KCNIP4: variants seen among roughly 807,000 people sequenced by gnomAD.
KCNIP4 encodes the protein potassium voltage-gated channel interacting protein 4, also known as Kv channel-interacting protein 4.
Under a neutral mutation model 34.0 loss-of-function variants are expected in KCNIP4, and 12 were observed. The observed-to-expected ratio is 0.35, with a 90% CI of 0.23 to 0.57. The LOEUF (loss-of-function observed/expected upper bound fraction) is 0.57, where lower values mean the gene tolerates loss of function less well. KCNIP4 is among the 20% of genes least tolerant of loss of function. KCNIP4 has a pLI of 0.83. For missense variants in KCNIP4, 238 were observed against 311.7 expected (o/e 0.76, Z 1.78); for synonymous variants, 124 against 102.2 (o/e 1.21, Z -1.29).
chr4:21,894,500 G>T (rs1292645037), intron 1 of KCNIP4, among the ~76,000 whole-genome samples: 1 of 152,036 alleles, frequency 6.6e-6, no homozygotes, highest in African/African-American at 2.4e-5. Context: ...TACATCATTT[G>T]TGACTCTCTG....
intron 1 of KCNIP4, among the ~76,000 whole-genome samples, chr4:21,050,923 A>G (rs1742873202): frequency 6.6e-6 from 1 of 152,014 alleles, no homozygotes; most frequent in South Asian, 2.1e-4. Context: ...AGAGAGCTAT[A>G]TCCAAATTCA....
At chr4:21,282,248 A>AACTTAC (rs1206041102) in intron 1 of KCNIP4, among the ~76,000 whole-genome samples, 1 of 152,236 alleles carries the variant, frequency 6.6e-6, no homozygotes, top group Non-Finnish European at 1.5e-5. Context: ...TAATTCATTT[A>AACTTAC]ACTTACACTT....
At chr4:21,494,104 G>A (rs910557860) in intron 1 of KCNIP4, among the ~76,000 whole-genome samples, 2 of 152,118 alleles carry the variant, frequency 1.3e-5, no homozygotes, top group African/African-American at 4.8e-5. Flanking sequence ...TCAGCAAATT[G>A]GTCCAGGTCA....
At chr4:21,451,442 T>C (rs1307288026) in intron 1 of KCNIP4, among the ~76,000 whole-genome samples, 1 of 152,150 alleles carries the variant, frequency 6.6e-6, no homozygotes, top group Non-Finnish European at 1.5e-5. Context: ...AAAATAGTTT[T>C]GAATTTTGGT....
intron 1 of KCNIP4, among the ~76,000 whole-genome samples, chr4:21,612,654 T>C (rs1399667108): frequency 6.6e-6 from 1 of 152,250 alleles, no homozygotes; most frequent in East Asian, 1.9e-4. Flanking sequence ...GCTAGTATTC[T>C]GTTTGACAGA....
rs1560311042 is a variant in KCNIP4 at position 21,346,079 on chromosome 4, TTTAAG to T, written c.62-463375_62-463371del. ...CAACTCGGGCAGTGTAATATATATATTTAAGATATTTAAGATATCTTAAATATATA... is the reference window on the plus strand; with the variant it reads ...CAACTCGGGCAGTGTAATATATATATATATTTAAGATATCTTAAATATATA... On this transcript the variant is annotated intron_variant, in intron 1 of 8. Transcript: ENST00000382152. 2.0e-4 allele frequency among the ~76,000 whole-genome samples: 25 copies of T among 128,176 alleles called. No individual in the cohort carries two copies. The East Asian group carries it at 2.3e-3, about 12-fold the overall frequency. The allele number at this position is 128,176 out of a possible 152,430, so 84.1% of individuals were successfully genotyped here.
intron 1 of KCNIP4, among the ~76,000 whole-genome samples, chr4:21,419,634 A>G (rs961136992): frequency 1.3e-5 from 2 of 152,070 alleles, no homozygotes; most frequent in African/African-American, 2.4e-5. Flanking sequence ...AGTGACTGTT[A>G]TTTATCATTG....
At chr4:20,732,610 G>T in intron 7 of KCNIP4, 71 bp downstream of exon 7, 1 of 899,374 alleles carries the variant, frequency 1.1e-6, no homozygotes, top group Non-Finnish European at 1.9e-6. Context: ...TTGAATCATC[G>T]TGGTGCATGG....
At chr4:21,243,403 T>C (rs1460089823) in intron 1 of KCNIP4, among the ~76,000 whole-genome samples, 1 of 152,184 alleles carries the variant, frequency 6.6e-6, no homozygotes, top group Admixed American at 6.5e-5. Flanking sequence ...AATATCTTTG[T>C]TAATAATTAT....
At position 21,305,800 on chromosome 4, in the gene KCNIP4, C is replaced by T. The variant is rs28519383; in HGVS notation, c.62-423091G>A. ...CTATCTATTTAGAAAAACCTTCTTACACCATCTCTGCCTGTCAAGCTCTTA... is the reference window on the plus strand; with the variant it reads ...CTATCTATTTAGAAAAACCTTCTTATACCATCTCTGCCTGTCAAGCTCTTA... On this transcript the variant is annotated intron_variant, in intron 1 of 8. Transcript: ENST00000382152. 9.4e-3 allele frequency among the ~76,000 whole-genome samples: 1,433 copies of T among 152,284 alleles called. 19 individuals carry two copies. The highest frequency in any genetic ancestry group is 0.032 in the African/African-American group (1,345 of 41,564).
rs1174968367 is a variant in KCNIP4, at chr4:21,247,739, T to G, written c.62-365030A>C. On this transcript the variant is annotated intron_variant, in intron 1 of 8. Transcript: ENST00000382152. ...AGCAAAAGCAATCCACAGGTGGATA[T>G]ATATATATATATATATATATACACC... is the stretch of plus-strand genomic sequence containing the variant. 2.1e-4 allele frequency among the ~76,000 whole-genome samples: 24 copies of G among 116,836 alleles called. 1 individual carries two copies. The highest frequency in any genetic ancestry group is 8.6e-4 in the African/African-American group (20 of 23,306). The allele number at this position is 116,836 out of a possible 152,430, so 76.6% of individuals were successfully genotyped here.
At chr4:21,935,339 T>C (rs146166784) in intron 1 of KCNIP4, among the ~76,000 whole-genome samples, 2,026 of 152,202 alleles carry the variant, frequency 0.013, 40 homozygotes, top group African/African-American at 0.046. Flanking sequence ...ACTTTGATTA[T>C]GCCATTATTG....
At chr4:21,552,029 AG>A (rs1297196686) in intron 1 of KCNIP4, among the ~76,000 whole-genome samples, 4 of 119,558 alleles carry the variant, frequency 3.3e-5, no homozygotes, top group South Asian at 3.5e-4. Flanking sequence ...AACAAGGGAG[AG>A]CTTTTTTTAA....
intron 1 of KCNIP4, among the ~76,000 whole-genome samples, chr4:21,526,695 T>C (rs1169644368): frequency 1.3e-5 from 2 of 151,986 alleles, no homozygotes; most frequent in Non-Finnish European, 2.9e-5. Context: ...GATCTAGGGG[T>C]TCATATTCCA....
At position 20,729,939 on chromosome 4, in the gene KCNIP4, T is replaced by TTGCTTTATATTAAAACAA; in HGVS notation, c.*125_*142dup. 1.1e-6 allele frequency: 1 copy of TTGCTTTATATTAAAACAA among 913,074 alleles called. No individual in the cohort carries two copies. The highest frequency in any genetic ancestry group is 1.5e-6 in the Non-Finnish European group (1 of 654,772). 56.6% of individuals were successfully genotyped at this position (913,074 alleles called of 1,614,324 possible). Reference sequence around the variant, plus strand: ...ACTGAAAGCTCAAATCTTTTGGGGATTGCTTTATATTAAAACAAAGCTTGT... The same window carrying TTGCTTTATATTAAAACAA: ...ACTGAAAGCTCAAATCTTTTGGGGATTGCTTTATATTAAAACAATGCTTTATATTAAAACAAAGCTTGT... On this transcript the variant is annotated 3_prime_UTR_variant, in exon 9 of 9. Transcript: ENST00000382152.
At chr4:20,784,182 G>C (rs573619107) in intron 3 of KCNIP4, among the ~76,000 whole-genome samples, 2 of 152,136 alleles carry the variant, frequency 1.3e-5, no homozygotes, top group Non-Finnish European at 2.9e-5. Context: ...TATCTAGCTT[G>C]CTGTTCAAAT....
chr4:21,372,863 C>T (rs1165873236), intron 1 of KCNIP4, among the ~76,000 whole-genome samples: 1 of 145,280 alleles, frequency 6.9e-6, no homozygotes, highest in Non-Finnish European at 1.5e-5. Context: ...GGAGTGAATA[C>T]AAGAGTGTTA....
intron 1 of KCNIP4, among the ~76,000 whole-genome samples, chr4:21,501,688 T>TTGTGTGTGTATGTGTG (rs1553893353): frequency 6.3e-5 from 8 of 127,320 alleles, no homozygotes; most frequent in East Asian, 4.3e-4. Context: ...TGCAGAAGCC[T>TTGTGTGTGTATGTGTG]TGTGTGTGTG....
At chr4:21,697,410 G>A (rs200848297) in intron 1 of KCNIP4, 31 of 1,554,986 alleles carry the variant, frequency 2.0e-5, no homozygotes, top group Non-Finnish European at 2.6e-5. Context: ...AGTATTTCAC[G>A]TTTACACCGC....
Sources: allele counts gnomAD v4.1 joint callset (sites outside exome capture counted in the v4.1 genomes callset), GRCh38; gene constraint gnomAD v4.1.1; transcripts MANE v1.5; gene names NCBI Gene and HGNC (gene_info 2026-07-23, HGNC 2026-07-21).